The following ARIH1 variants were observed in gnomAD, a reference collection of about 807,000 sequenced individuals.
ARIH1 encodes the protein ariadne RBR E3 ubiquitin protein ligase 1.
In ARIH1, 8 loss-of-function variants were observed where a neutral mutation model predicts 85.0. The observed-to-expected ratio is 0.09, with a 90% confidence interval of 0.06 to 0.17. ARIH1 has a LOEUF of 0.17. ARIH1 is among the 10% of genes least tolerant of loss of function. The probability of loss-of-function intolerance (pLI) is 1.00; values close to 1 mark genes in which losing one functional copy is unlikely to be tolerated. For missense variants in ARIH1, 311 were observed against 718.1 expected (o/e 0.43, Z 6.48); for synonymous variants, 238 against 253.6 (o/e 0.94, Z 0.59).
At position 72,493,273 on chromosome 15, in the gene ARIH1, G is replaced by A. The variant is rs867927707; in HGVS notation, c.375+18259G>A. The stretch of plus-strand genomic sequence containing the variant: ...CTAATCCAGACTAACACTTTTTGGG[G>A]GGGGAGGTCAGAACCCAGAATAAAG... On this transcript the variant is annotated intron_variant, in intron 1 of 13. Transcript: ENST00000379887. Among the ~76,000 whole-genome samples, 32 of 152,228 alleles carry A rather than the reference G, an allele frequency of 2.1e-4. No homozygotes were observed. The South Asian group carries it at 3.9e-3, about 19-fold the overall frequency.
intron 2 of ARIH1, among the ~76,000 whole-genome samples, chr15:72,524,154 A>G (rs1013288799): frequency 3.3e-5 from 5 of 151,376 alleles, no homozygotes; most frequent in Non-Finnish European, 5.9e-5. Flanking sequence ...TCACCATATT[A>G]GCTAAGATGG....
At position 72,492,458 on chromosome 15, in the gene ARIH1, A is replaced by T. The variant is rs184363742; in HGVS notation, c.375+17444A>T. ...AGTAAAGTTCTCAGGTGAGCTTATTACTAATGCCGTTTAACTTCAAATGTG... is the reference window on the plus strand; with the variant it reads ...AGTAAAGTTCTCAGGTGAGCTTATTTCTAATGCCGTTTAACTTCAAATGTG... On this transcript the variant is annotated intron_variant, in intron 1 of 13. Transcript: ENST00000379887. 2.7e-3 allele frequency among the ~76,000 whole-genome samples: 407 copies of T among 152,296 alleles called. 4 individuals carry two copies. The highest frequency in any genetic ancestry group is 9.4e-3 in the African/African-American group (392 of 41,582).
At chr15:72,505,583 C>G (rs2063921252) in intron 1 of ARIH1, among the ~76,000 whole-genome samples, 1 of 152,110 alleles carries the variant, frequency 6.6e-6, no homozygotes, top group South Asian at 2.1e-4. Flanking sequence ...TTCTGTTGAG[C>G]AGGTTCCTAT....
rs991292422 is a variant in ARIH1 at position 72,602,889 on chromosome 15, T to A, written c.*19597T>A. On this transcript the variant is annotated 3_prime_UTR_variant, in exon 14 of 14. Transcript: ENST00000379887. ...TGAAAAGATTTCTAGTGGATACTGT[T>A]TTCTGTACCTCACTACGGATGTATT... 4 of 152,194 alleles carry A rather than the reference T, an allele frequency of 2.6e-5. No individual in the cohort carries two copies. The highest frequency in any genetic ancestry group is 9.7e-5 in the African/African-American group (4 of 41,440). 9.4% of individuals were successfully genotyped at this position (152,194 alleles called of 1,614,324 possible).
chr15:72,510,845 T>TGTATTTATGTG (rs2063947902), intron 1 of ARIH1, among the ~76,000 whole-genome samples: 1 of 151,524 alleles, frequency 6.6e-6, no homozygotes, highest in African/African-American at 2.4e-5. Flanking sequence ...GGTCTATTTC[T>TGTATTTATGTG]GGTCTCCATT....
At chr15:72,528,319 C>G (rs934845136) in intron 2 of ARIH1, among the ~76,000 whole-genome samples, 2 of 152,150 alleles carry the variant, frequency 1.3e-5, no homozygotes, top group Non-Finnish European at 2.9e-5. Context: ...TTCCTGGACT[C>G]TGTTACAAAT....
In ARIH1 at chr15:72,594,752, C is replaced by T. The variant is rs1567365872; in HGVS notation, c.*11460C>T. On this transcript the variant is annotated 3_prime_UTR_variant, in exon 14 of 14. Coordinates refer to ENST00000379887, the MANE Select transcript of ARIH1 (RefSeq NM_005744.5). Reference sequence around the variant, plus strand: ...TAGAGTTTTATATTAAATAGATACACAACAGTGTAGTCTGCAAATAATGTT... The same window carrying T: ...TAGAGTTTTATATTAAATAGATACATAACAGTGTAGTCTGCAAATAATGTT... 2.0e-5 allele frequency: 3 copies of T among 149,304 alleles called. No individual in the cohort carries two copies. The highest frequency in any genetic ancestry group is 7.5e-5 in the African/African-American group (3 of 40,218). The allele number at this position is 149,304 out of a possible 1,614,324, so 9.2% of individuals were successfully genotyped here.
At chr15:72,494,220 T>C (rs2063870827) in intron 1 of ARIH1, among the ~76,000 whole-genome samples, 1 of 152,170 alleles carries the variant, frequency 6.6e-6, no homozygotes, top group Non-Finnish European at 1.5e-5. Flanking sequence ...GCCACACTGC[T>C]GGGGGAATAC....
chr15:72,580,552 A>G (rs935220531), intron 11 of ARIH1, 179 bp from the exon 12 acceptor site: 3 of 612,598 alleles, frequency 4.9e-6, no homozygotes, highest in Non-Finnish European at 5.5e-6. Context: ...TCCCATCAAC[A>G]GTGTATCAAG....
chr15:72,503,727 C>T (rs2063912814), intron 1 of ARIH1, among the ~76,000 whole-genome samples: 1 of 152,214 alleles, frequency 6.6e-6, no homozygotes, highest in South Asian at 2.1e-4. Context: ...TTTTTCTTGA[C>T]CCCTTCTTTG....
chr15:72,495,024 A>C (rs1387385194), intron 1 of ARIH1, among the ~76,000 whole-genome samples: 12 of 152,212 alleles, frequency 7.9e-5, no homozygotes. Context: ...TGAATAGTTA[A>C]TAGTTGCTCT....
intron 5 of ARIH1, among the ~76,000 whole-genome samples, chr15:72,558,933 G>A (rs1179464408): frequency 6.6e-6 from 1 of 152,050 alleles, no homozygotes; most frequent in East Asian, 1.9e-4. Context: ...TGTGTGTTTG[G>A]CAATCAAGGC....
At chr15:72,486,224 G>A (rs994793700) in intron 1 of ARIH1, among the ~76,000 whole-genome samples, 1 of 152,034 alleles carries the variant, frequency 6.6e-6, no homozygotes, top group Non-Finnish European at 1.5e-5. Flanking sequence ...GAGGTGTGCA[G>A]CAGTCTGAAA....
rs185800464 is a variant in ARIH1 at position 72,552,851 on chromosome 15, T to C, written c.589-2420T>C. Among the ~76,000 whole-genome samples, 199 of 151,774 alleles carry C rather than the reference T, an allele frequency of 1.3e-3. 1 individual carries two copies. Among genetic ancestry groups the C allele is most frequent in the African/African-American group, 4.2e-3 (175 of 41,354 alleles). ...GTGCGGTGGTGCGATCTTGGCTTAC[T>C]GCAACCTCCATCTCCTAGGTTCAAG... On this transcript the variant is annotated intron_variant, in intron 3 of 13. Transcript: ENST00000379887.
chr15:72,487,370 T>TC lies in ARIH1; in HGVS notation c.375+12358dup, dbSNP rs544702425. Among the ~76,000 whole-genome samples, 107 of 152,326 alleles carry TC rather than the reference T, an allele frequency of 7.0e-4. No homozygotes were observed. The East Asian group carries it at 0.014, about 20-fold the overall frequency. On this transcript the variant is annotated intron_variant, in intron 1 of 13. Transcript: ENST00000379887. ...TAATTACCTGGTAATATGTCCTCTC[T>TC]CCTAATCACAATTGTACAGTGTTTT...
chr15:72,547,481 C>T (rs1365289030), intron 3 of ARIH1, among the ~76,000 whole-genome samples: 7 of 152,208 alleles, frequency 4.6e-5, no homozygotes, highest in South Asian at 2.1e-4. Flanking sequence ...GATCCACCCA[C>T]CTTGGCCTCC....
intron 5 of ARIH1, among the ~76,000 whole-genome samples, chr15:72,559,342 T>G (rs2064188039): frequency 1.3e-5 from 2 of 152,174 alleles, no homozygotes; most frequent in South Asian, 4.1e-4. Flanking sequence ...TGATCTCGGC[T>G]CACTGCAACC....
chr15:72,592,211 G>A lies in ARIH1; in HGVS notation c.*8919G>A, dbSNP rs1410157843. ...CACTAACCAATGGAAATAAATGACT[G>A]TTGTTTCCACAAAATTGCTTTACAG... On this transcript the variant is annotated 3_prime_UTR_variant, in exon 14 of 14. Coordinates refer to ENST00000379887, the MANE Select transcript of ARIH1 (RefSeq NM_005744.5). 2.0e-5 allele frequency: 3 copies of A among 152,242 alleles called. No homozygotes were observed. Among genetic ancestry groups the A allele is most frequent in the Non-Finnish European group, 4.4e-5 (3 of 68,036 alleles). 9.4% of individuals were successfully genotyped at this position (152,242 alleles called of 1,614,324 possible). A position where few individuals can be genotyped will look rare whatever the true frequency, so the allele number is the denominator to read the frequency against.
Position 72,595,146 on chromosome 15 carries a change from C to T in ARIH1, c.*11854C>T, listed in dbSNP as rs2064358756. ...TTACAGGGGTTGGCAAACTGTGGCCCATGGGCCAGATCCAGCCCATGGACA... is the reference window on the plus strand; with the variant it reads ...TTACAGGGGTTGGCAAACTGTGGCCTATGGGCCAGATCCAGCCCATGGACA... On this transcript the variant is annotated 3_prime_UTR_variant, in exon 14 of 14. Transcript: ENST00000379887. The T allele has an allele frequency of 6.6e-6, 1 of 152,140 alleles. No homozygotes were observed. Among genetic ancestry groups the T allele is most frequent in the Admixed American group, 6.5e-5 (1 of 15,284 alleles). 9.4% of individuals were successfully genotyped at this position (152,140 alleles called of 1,614,324 possible).
Sources: allele counts gnomAD v4.1 joint callset (sites outside exome capture counted in the v4.1 genomes callset), GRCh38; gene constraint gnomAD v4.1.1; transcripts MANE v1.5; gene names NCBI Gene and HGNC (gene_info 2026-07-23, HGNC 2026-07-21).